PREX2: variants seen among roughly 807,000 people sequenced by gnomAD.
PREX2 encodes the protein phosphatidylinositol 3,4,5-trisphosphate-dependent Rac exchanger 2 protein.
In PREX2, 107 loss-of-function variants were observed where a neutral mutation model predicts 203.2. The observed-to-expected ratio is 0.53, with a 90% CI of 0.45 to 0.62. The LOEUF (loss-of-function observed/expected upper bound fraction) is 0.62. Among genes scored for constraint, PREX2 ranks in the 20% least tolerant of loss-of-function variants. The pLI is 0.00. For missense variants in PREX2, 1,777 were observed against 1,955.9 expected (o/e 0.91, Z 1.72); for synonymous variants, 672 against 663.6 (o/e 1.01, Z -0.19).
At chr8:68,159,114 A>C (rs1811604199) in intron 35 of PREX2, among the ~76,000 whole-genome samples, 1 of 152,208 alleles carries the variant, frequency 6.6e-6, no homozygotes, top group African/African-American at 2.4e-5. Context: ...CATGAAGAAA[A>C]TTAAATCCAG....
chr8:67,965,791 A>G lies in PREX2; in HGVS notation c.141+13256A>G, dbSNP rs988526169. Among the ~76,000 whole-genome samples, 3 of 152,292 alleles carry G rather than the reference A, an allele frequency of 2.0e-5. No individual in the cohort carries two copies. The South Asian group carries it at 6.2e-4, about 32-fold the overall frequency. Reference sequence around the variant, plus strand: ...GGTAAATGGGTCATGTTACATAGCTAGAGACATTTTCCTCAGTTTCTAGCA... The same window carrying G: ...GGTAAATGGGTCATGTTACATAGCTGGAGACATTTTCCTCAGTTTCTAGCA... On this transcript the variant is annotated intron_variant, in intron 1 of 39. Coordinates refer to ENST00000288368, the MANE Select transcript of PREX2 (RefSeq NM_024870.4).
intron 37 of PREX2, among the ~76,000 whole-genome samples, chr8:68,213,724 C>T (rs994690876): frequency 6.6e-6 from 1 of 152,148 alleles, no homozygotes; most frequent in African/African-American, 2.4e-5. Flanking sequence ...TTGACCTTTT[C>T]CTTTTTCTTC....
chr8:68,211,127 C>T (rs1031434198), intron 37 of PREX2, among the ~76,000 whole-genome samples: 1 of 152,114 alleles, frequency 6.6e-6, no homozygotes, highest in African/African-American at 2.4e-5. Context: ...CTACAGTTTG[C>T]TGTGTAAAAT....
At chr8:67,978,619 T>C (rs1244537692) in intron 1 of PREX2, among the ~76,000 whole-genome samples, 4 of 152,186 alleles carry the variant, frequency 2.6e-5, no homozygotes, top group African/African-American at 9.7e-5. Flanking sequence ...TTGGTGGATA[T>C]TTGGGTAGTT....
chr8:68,051,302 C>A (rs1808520470), intron 8 of PREX2, among the ~76,000 whole-genome samples: 1 of 151,986 alleles, frequency 6.6e-6, no homozygotes, highest in South Asian at 2.1e-4. Flanking sequence ...CTACATTTGG[C>A]TACTCTGGTT....
intron 14 of PREX2, among the ~76,000 whole-genome samples, chr8:68,076,316 G>T (rs1398601662): frequency 1.3e-5 from 2 of 152,068 alleles, no homozygotes; most frequent in Admixed American, 1.3e-4. Context: ...AATTAGCCGG[G>T]TGTGTTGGCA....
chr8:68,080,533 T>G lies in PREX2; in HGVS notation c.1733T>G (p.Leu578Arg), dbSNP rs1465147644. The part of the protein sequence containing the change: ...EMEGSNMKHR[L>R]MKHDLKVVEN... ...GAGGGATCAAATATGAAACATCGAC[T>G]TATGAAACATGACTTAAAAGTTGTG... The change falls in exon 16 of 40, where the codon CTT (leucine) becomes CGT (arginine). Residue 578 changes from leucine to arginine, a missense_variant. Coordinates refer to ENST00000288368, the MANE Select transcript of PREX2 (RefSeq NM_024870.4). 5.0e-6 allele frequency: 8 copies of G among 1,611,118 alleles called. No individual in the cohort carries two copies. Among genetic ancestry groups the G allele is most frequent in the Non-Finnish European group, 6.8e-6 (8 of 1,177,748 alleles).
chr8:68,019,427 C>G lies in PREX2; in HGVS notation c.214-122C>G, dbSNP rs1349046955. 5.7e-6 allele frequency: 4 copies of G among 706,148 alleles called. No homozygotes were observed. In the African/African-American group the frequency reaches 7.4e-5, roughly 13 times the overall value. The allele number at this position is 706,148 out of a possible 1,614,324, so 43.7% of individuals were successfully genotyped here. A position where few individuals can be genotyped will look rare whatever the true frequency, so the allele number is the denominator to read the frequency against. ...AGTCCAGACAAAATTGAGGCTCTGT[C>G]GGCAAGGTGGGAGGAAGGCATGGAT... On this transcript the variant is annotated intron_variant, in intron 2 of 39. Transcript: ENST00000288368.
At chr8:68,138,362 G>A (rs545385664) in intron 32 of PREX2, 53 bp from the exon 33 acceptor site, 40 of 951,232 alleles carry the variant, frequency 4.2e-5, no homozygotes, top group Middle Eastern at 2.3e-4. Context: ...GTCATGTTAC[G>A]TTATATTGCT....
At chr8:68,080,308 T>G in intron 15 of PREX2, 135 bp from the exon 16 acceptor site, 1 of 665,728 alleles carries the variant, frequency 1.5e-6, no homozygotes, top group South Asian at 2.1e-5. Flanking sequence ...CGGGGCTACT[T>G]GTGAATGTAA....
At chr8:68,214,242 A>T (rs1318616724) in intron 37 of PREX2, among the ~76,000 whole-genome samples, 1 of 152,114 alleles carries the variant, frequency 6.6e-6, no homozygotes, top group African/African-American at 2.4e-5. Flanking sequence ...TCCACAAAAA[A>T]TACAAAAGTT....
chr8:67,982,100 G>A (rs556111684), intron 1 of PREX2, among the ~76,000 whole-genome samples: 4 of 152,308 alleles, frequency 2.6e-5, no homozygotes, highest in African/African-American at 7.2e-5. Context: ...CCTCAGGAAA[G>A]TTATGTAATA....
At chr8:68,200,802 A>C (rs1308919658) in intron 37 of PREX2, among the ~76,000 whole-genome samples, 2 of 152,142 alleles carry the variant, frequency 1.3e-5, no homozygotes, top group African/African-American at 4.8e-5. Flanking sequence ...TTGGCCAAAC[A>C]GGCCTTGCTT....
At chr8:68,223,551 A>G (rs936100483) in intron 38 of PREX2, 1 of 149,440 alleles carries the variant, frequency 6.7e-6, no homozygotes, top group Non-Finnish European at 1.5e-5. Context: ...CCTTCTTTTT[A>G]TCTTGTTTCT....
At chr8:68,026,090 T>C (rs1398633356) in intron 4 of PREX2, among the ~76,000 whole-genome samples, 3 of 152,152 alleles carry the variant, frequency 2.0e-5, no homozygotes, top group African/African-American at 7.2e-5. Context: ...GATAACCCGA[T>C]TGCAGTAGGG....
chr8:67,968,069 A>G (rs1030923842), intron 1 of PREX2, among the ~76,000 whole-genome samples: 2 of 90,694 alleles, frequency 2.2e-5, no homozygotes, highest in Non-Finnish European at 4.2e-5. Context: ...AACTTAAAGT[A>G]TAAAAAAAAA....
At chr8:68,226,873 G>A (rs1171707094) in intron 39 of PREX2, among the ~76,000 whole-genome samples, 1 of 152,126 alleles carries the variant, frequency 6.6e-6, no homozygotes, top group East Asian at 1.9e-4. Context: ...AATACTCCTG[G>A]GCCTGTCAGC....
chr8:68,096,029 A>G (rs2129612440), intron 21 of PREX2, among the ~76,000 whole-genome samples: 1 of 152,278 alleles, frequency 6.6e-6, no homozygotes, highest in Non-Finnish European at 1.5e-5. Flanking sequence ...CTGGAAGGCC[A>G]CTTGGTTGGA....
chr8:67,959,862 G>A (rs1805586783), intron 1 of PREX2, among the ~76,000 whole-genome samples: 2 of 151,988 alleles, frequency 1.3e-5, no homozygotes, highest in South Asian at 4.1e-4. Flanking sequence ...TAAAATCCTC[G>A]CACTGAAACT....
Sources: allele counts gnomAD v4.1 joint callset (sites outside exome capture counted in the v4.1 genomes callset), GRCh38; gene constraint gnomAD v4.1.1; transcripts MANE v1.5; gene names NCBI Gene and HGNC (gene_info 2026-07-23, HGNC 2026-07-21).